The following CTPS2 variants were observed in gnomAD, a reference collection of about 807,000 sequenced individuals.
CTPS2 encodes the protein CTP synthase 2.
CTPS2 carries 19 observed loss-of-function variants against 46.8 expected under a neutral mutation model. The observed-to-expected ratio is 0.41, with a 90% CI of 0.28 to 0.60. The LOEUF (loss-of-function observed/expected upper bound fraction) is 0.60, where lower values mean the gene tolerates loss of function less well. Ranked by LOEUF, CTPS2 falls within the 20% of genes least tolerant of loss-of-function variation. The pLI, the probability that CTPS2 is intolerant of heterozygous loss-of-function variation, is 0.35. For missense variants in CTPS2, 286 were observed against 447.6 expected (o/e 0.64, Z 3.26); for synonymous variants, 151 against 165.2 (o/e 0.91, Z 0.66).
At chrX:16,672,133 G>C (rs1167708421) in intron 10 of CTPS2, among the ~76,000 whole-genome samples, 1 of 111,342 alleles carries the variant, frequency 9.0e-6, no homozygotes, top group South Asian at 3.8e-4. Flanking sequence ...GCTAAGAATA[G>C]GTTTGGCACT....
At chrX:16,655,617 A>G (rs1249224076) in intron 13 of CTPS2, among the ~76,000 whole-genome samples, 1 of 111,019 alleles carries the variant, frequency 9.0e-6, no homozygotes, top group Non-Finnish European at 1.9e-5. Context: ...CAAGTTACCA[A>G]TGGCTCAAGC....
chrX:16,695,752 CG>C (rs1375813997), intron 4 of CTPS2, among the ~76,000 whole-genome samples: 1 of 110,373 alleles, frequency 9.1e-6, no homozygotes, highest in East Asian at 2.9e-4. Flanking sequence ...GGGGTTTCAC[CG>C]TGTTAGACAG....
intron 13 of CTPS2, among the ~76,000 whole-genome samples, chrX:16,662,698 CTTT>C (rs760420123): frequency 3.2e-5 from 3 of 94,157 alleles, no homozygotes; most frequent in Non-Finnish European, 4.3e-5. Flanking sequence ...TCTCCTTAGT[CTTT>C]TTTTTTTTTT....
In CTPS2 at chrX:16,590,812, G is replaced by C. The variant is rs142220657; in HGVS notation, c.1742C>G (p.Ala581Gly). 2 of 1,199,225 alleles carry C rather than the reference G, an allele frequency of 1.7e-6. No homozygotes were observed. Among genetic ancestry groups the C allele is most frequent in the Non-Finnish European group, 2.3e-6 (2 of 885,612 alleles). The stretch of plus-strand genomic sequence containing the variant: ...TTCATTTCAGCTTATTTCCAACTCA[G>C]CTATCCTTGGCTCTGAAAAGCTGTC... ...SDDSFSEPRIAELEIS is the reference protein window; with the variant it reads ...SDDSFSEPRIGELEIS The change falls in exon 18 of 19, where the codon GCT becomes GGT. Residue 581 changes from alanine (A) to glycine (G), a missense_variant. Coordinates refer to ENST00000359276, the MANE Select transcript of CTPS2 (RefSeq NM_175859.3).
At chrX:16,700,302 A>G (rs1924457445) in intron 2 of CTPS2, among the ~76,000 whole-genome samples, 1 of 109,503 alleles carries the variant, frequency 9.1e-6, no homozygotes, top group African/African-American at 3.3e-5. Flanking sequence ...TATTTTTAGT[A>G]CAGACAGGTT....
chrX:16,676,400 A>G (rs1371966809), intron 10 of CTPS2, among the ~76,000 whole-genome samples: 1 of 112,061 alleles, frequency 8.9e-6, no homozygotes, highest in Non-Finnish European at 1.9e-5. Flanking sequence ...TACCCAATTC[A>G]TAGGTATTTG....
chrX:16,688,313 T>C (rs1426543078), intron 8 of CTPS2, among the ~76,000 whole-genome samples: 1 of 110,169 alleles, frequency 9.1e-6, no homozygotes, highest in East Asian at 2.8e-4. Flanking sequence ...GGCAGGAGAA[T>C]GGCGTGAACC....
chrX:16,597,575 C>T (rs1234938993), intron 17 of CTPS2, among the ~76,000 whole-genome samples: 3 of 111,683 alleles, frequency 2.7e-5, no homozygotes, highest in African/African-American at 9.8e-5. Flanking sequence ...GTACCAGTAC[C>T]ATGTTGTTTT....
intron 8 of CTPS2, among the ~76,000 whole-genome samples, chrX:16,685,020 G>A (rs1435642821): frequency 9.0e-6 from 1 of 111,197 alleles, no homozygotes; most frequent in Non-Finnish European, 1.9e-5. Context: ...GAATCCAGGA[G>A]GCAGGGGTTG....
At chrX:16,664,855 A>T (rs1921041843) in intron 13 of CTPS2, among the ~76,000 whole-genome samples, 1 of 111,970 alleles carries the variant, frequency 8.9e-6, no homozygotes, top group African/African-American at 3.2e-5. Flanking sequence ...TACAACAAAG[A>T]ATGATGTGTT....
Position 16,642,582 on chromosome X carries a change from G to A in CTPS2, c.1297-3339C>T, listed in dbSNP as rs746905469. On this transcript the variant is annotated intron_variant, in intron 13 of 18. Coordinates refer to ENST00000359276, the MANE Select transcript of CTPS2 (RefSeq NM_175859.3). Reference sequence around the variant, plus strand: ...AAGCGGAAGGTCAGGGCAAGGCAGAGACTATGGTGCCCAAGCCTGACACAC... The same window carrying A: ...AAGCGGAAGGTCAGGGCAAGGCAGAAACTATGGTGCCCAAGCCTGACACAC... Among the ~76,000 whole-genome samples the A allele has an allele frequency of 4.2e-3, 469 of 111,708 alleles. 1 individual carries two copies. The highest frequency in any genetic ancestry group is 6.7e-3 in the Non-Finnish European group (357 of 53,094).
At chrX:16,638,254 CAAAA>C (rs1185750089) in intron 14 of CTPS2, among the ~76,000 whole-genome samples, 2 of 37,972 alleles carry the variant, frequency 5.3e-5, no homozygotes. Context: ...GACTCTGTCT[CAAAA>C]AAAAAAAAAA....
In CTPS2 at chrX:16,654,507, T is replaced by C. The variant is rs777210425; in HGVS notation, c.1296+13007A>G. On this transcript the variant is annotated intron_variant, in intron 13 of 18. Transcript: ENST00000359276. Reference sequence around the variant, plus strand: ...AGTATTAGTAAAAAAGATATCCCAGTGAAGGAGAAAACAAAATAGAACCCT... The same window carrying C: ...AGTATTAGTAAAAAAGATATCCCAGCGAAGGAGAAAACAAAATAGAACCCT... The C allele has an allele frequency of 9.6e-6, 11 of 1,140,605 alleles. No homozygotes were observed. The African/African-American group carries it at 1.6e-4, about 17-fold the overall frequency. 94.0% of individuals were successfully genotyped at this position (1,140,605 alleles called of 1,213,427 possible). A position where few individuals can be genotyped will look rare whatever the true frequency, so the allele number is the denominator to read the frequency against.
chrX:16,627,566 C>G (rs1931224143), intron 14 of CTPS2, among the ~76,000 whole-genome samples: 1 of 111,514 alleles, frequency 9.0e-6, no homozygotes, highest in Admixed American at 9.6e-5. Context: ...TGATTTGCCA[C>G]AGTCCCTACC....
At chrX:16,709,182 C>A (rs1391083918) in intron 1 of CTPS2, among the ~76,000 whole-genome samples, 2 of 111,259 alleles carry the variant, frequency 1.8e-5, no homozygotes, top group Non-Finnish European at 3.8e-5. Context: ...AATCCCAGCA[C>A]TTTGGGAGGC....
intron 14 of CTPS2, among the ~76,000 whole-genome samples, chrX:16,633,419 G>A (rs1433072144): frequency 1.8e-5 from 2 of 111,264 alleles, no homozygotes; most frequent in African/African-American, 6.5e-5. Flanking sequence ...ATTTTAAATT[G>A]GTTGAAAAAA....
chrX:16,692,714 CA>C (rs1923800267), intron 6 of CTPS2, among the ~76,000 whole-genome samples: 1 of 110,841 alleles, frequency 9.0e-6, no homozygotes, highest in Non-Finnish European at 1.9e-5. Context: ...CTCATTGTCA[CA>C]GGAGCCGTTT....
chrX:16,711,903 T>C (rs1476076435), intron 1 of CTPS2: 1 of 110,887 alleles, frequency 9.0e-6, no homozygotes, highest in Non-Finnish European at 1.9e-5. Context: ...AGAAAGGCCA[T>C]GTTACCGGCG....
intron 8 of CTPS2, among the ~76,000 whole-genome samples, chrX:16,685,160 GAGGC>G (rs1401099372): frequency 8.9e-6 from 1 of 111,884 alleles, no homozygotes; most frequent in East Asian, 2.8e-4. Context: ...GATGATGTCA[GAGGC>G]AGGCAGGCAG....
Sources: allele counts gnomAD v4.1 joint callset (sites outside exome capture counted in the v4.1 genomes callset), GRCh38; gene constraint gnomAD v4.1.1; transcripts MANE v1.5; gene names NCBI Gene and HGNC (gene_info 2026-07-23, HGNC 2026-07-21).